Variants in LAMA1 observed in about 807,000 individuals in gnomAD.
LAMA1 encodes laminin subunit alpha 1.
In LAMA1, 219 loss-of-function variants were observed where a neutral mutation model predicts 348.7. The observed-to-expected ratio is 0.63, with a 90% CI of 0.56 to 0.70. The LOEUF is 0.70. LAMA1 is among the 30% of genes least tolerant of loss of function. The pLI is 0.00. For synonymous variants in LAMA1, 1,487 were observed against 1,491.0 expected, an observed-to-expected ratio of 1.00 and a Z score of 0.06; for missense variants, 3,744 against 3,888.0, an observed-to-expected ratio of 0.96 and a Z score of 0.99.
intron 1 of LAMA1, among the ~76,000 whole-genome samples, chr18:7,104,462 A>T (rs886993766): frequency 1.3e-5 from 2 of 152,218 alleles, no homozygotes; most frequent in Non-Finnish European, 2.9e-5. Flanking sequence ...TACTGGTCAG[A>T]TGTACAAAGA....
Position 7,023,249 on chromosome 18 carries a change from C to T in LAMA1, c.2616G>A (p.Lys872=). 8 of 1,614,102 alleles carry T rather than the reference C, an allele frequency of 5.0e-6. No individual in the cohort carries two copies. The highest frequency in any genetic ancestry group is 6.8e-6 in the Non-Finnish European group (8 of 1,180,036). ...HCDSVTGECL[K]CLGNTDGAHC... Reference sequence around the variant, plus strand: ...GGGCGCCATCTGTGTTCCCCAGGCACTTCAGGCACTCCCCGGTGACTGAGT... The same window carrying T: ...GGGCGCCATCTGTGTTCCCCAGGCATTTCAGGCACTCCCCGGTGACTGAGT... Residue 872 remains lysine, a synonymous_variant, in exon 19 of 63, where the codon AAG becomes AAA. Transcript: ENST00000389658.
At chr18:6,973,924 C>T (rs2057669774) in intron 46 of LAMA1, among the ~76,000 whole-genome samples, 1 of 152,166 alleles carries the variant, frequency 6.6e-6, no homozygotes, top group African/African-American at 2.4e-5. Context: ...GGACTACAGG[C>T]ACACACCACT....
In LAMA1 at chr18:7,117,784, C is replaced by G; in HGVS notation, c.-64G>C. 1 of 1,451,808 alleles carries G rather than the reference C, an allele frequency of 6.9e-7. No individual in the cohort carries two copies. The highest frequency in any genetic ancestry group is 9.4e-7 in the Non-Finnish European group (1 of 1,069,238). 89.9% of individuals were successfully genotyped at this position (1,451,808 alleles called of 1,614,324 possible). On this transcript the variant is annotated 5_prime_UTR_variant, in exon 1 of 63. Coordinates refer to ENST00000389658, the MANE Select transcript of LAMA1 (RefSeq NM_005559.4). ...CCGCGCGCCCGCCTGGAACGCTCCA[C>G]GGGACGCGAGTCCGCGCTGCCCTGG...
chr18:7,111,174 G>T (rs2058334572), intron 1 of LAMA1, among the ~76,000 whole-genome samples: 1 of 151,974 alleles, frequency 6.6e-6, no homozygotes, highest in Admixed American at 6.6e-5. Context: ...AGACTTCAAA[G>T]ATAACTTCTG....
intron 33 of LAMA1, among the ~76,000 whole-genome samples, chr18:6,997,335 G>GCTGGGATT (rs2057786464): frequency 6.6e-6 from 1 of 152,204 alleles, no homozygotes; most frequent in Non-Finnish European, 1.5e-5. Context: ...GTGCTGGGAT[G>GCTGGGATT]CTGGGATTAC....
intron 51 of LAMA1, among the ~76,000 whole-genome samples, chr18:6,962,734 T>TA (rs2057614152): frequency 6.6e-6 from 1 of 152,192 alleles, no homozygotes; most frequent in African/African-American, 2.4e-5. Context: ...CAAGTGCAGG[T>TA]AATGCTATTT....
At chr18:7,031,688 T>TAAATAAATAAATAAA (rs1598288996) in intron 16 of LAMA1, among the ~76,000 whole-genome samples, 1 of 151,570 alleles carries the variant, frequency 6.6e-6, no homozygotes, top group Non-Finnish European at 1.5e-5. Flanking sequence ...CTCAAATAAA[T>TAAATAAATAAATAAA]AAATAAATAA....
At chr18:7,043,199 A>G in intron 8 of LAMA1, 28 bp downstream of exon 8, 1 of 1,611,918 alleles carries the variant, frequency 6.2e-7, no homozygotes, top group Non-Finnish European at 8.5e-7. Flanking sequence ...GATGATGAAG[A>G]TCAGCAATGG....
At chr18:7,084,087 A>T (rs1221518135) in intron 1 of LAMA1, among the ~76,000 whole-genome samples, 2 of 151,084 alleles carry the variant, frequency 1.3e-5, no homozygotes, top group Non-Finnish European at 3.0e-5. Context: ...AAAAAAAAAA[A>T]AAAAAAAAAA....
chr18:7,094,409 A>G (rs2143807032), intron 1 of LAMA1, among the ~76,000 whole-genome samples: 1 of 145,798 alleles, frequency 6.9e-6, no homozygotes, highest in Non-Finnish European at 1.5e-5. Context: ...CTTGGGTGAC[A>G]GAGCAAGACT....
chr18:6,980,370 A>G, intron 42 of LAMA1, 151 bp downstream of exon 42: 1 of 640,056 alleles, frequency 1.6e-6, no homozygotes, highest in Non-Finnish European at 2.8e-6. Flanking sequence ...TTTCTAAATC[A>G]TATTCCTTTG....
Position 7,007,233 on chromosome 18 carries a change from C to G in LAMA1, c.4166G>C (p.Ser1389Thr). 5 of 1,614,156 alleles carry G rather than the reference C, an allele frequency of 3.1e-6. No homozygotes were observed. The highest frequency in any genetic ancestry group is 4.2e-6 in the Non-Finnish European group (5 of 1,180,022). ...AACCAGAGGGCGTGGTCCCCTGTCA[C>G]TCCCTGCTGGGAGCTTCCCTCTGTG... ...GYHRGKLPAG[S>T]DRGPRPLVAP... Residue 1389 changes from serine (S) to threonine (T), a missense_variant, in exon 29 of 63, where the codon AGT becomes ACT. This residue lies in a region of LAMA1 where 1,983 missense variants were observed against 1,934.3 expected (regional missense o/e 1.03). Transcript: ENST00000389658.
At chr18:7,054,369 C>T (rs1453714449) in intron 3 of LAMA1, among the ~76,000 whole-genome samples, 3 of 150,184 alleles carry the variant, frequency 2.0e-5, no homozygotes, top group South Asian at 2.1e-4. Context: ...TTGTCAAGAA[C>T]GTAGTGAAAA....
chr18:7,044,897 T>C, intron 6 of LAMA1, 58 bp from the exon 7 acceptor site: 1 of 1,283,422 alleles, frequency 7.8e-7, no homozygotes, highest in Non-Finnish European at 1.1e-6. Flanking sequence ...TGTTTCTTAA[T>C]TTCATGGTAA....
chr18:6,971,194 A>G (rs533792839), intron 48 of LAMA1, among the ~76,000 whole-genome samples: 154 of 152,320 alleles, frequency 1.0e-3, no homozygotes, highest in Admixed American at 2.7e-3. Flanking sequence ...AAGGAGTTGC[A>G]GTTATTTTGT....
chr18:7,057,049 T>A (rs1189912913), intron 3 of LAMA1, among the ~76,000 whole-genome samples: 1 of 152,016 alleles, frequency 6.6e-6, no homozygotes, highest in Non-Finnish European at 1.5e-5. Context: ...TTTTTGTATT[T>A]TTAGTAGAGA....
At chr18:7,117,415 C>CGACT (rs2058362055) in intron 1 of LAMA1, among the ~76,000 whole-genome samples, 1 of 151,042 alleles carries the variant, frequency 6.6e-6, no homozygotes, top group Non-Finnish European at 1.5e-5. Context: ...TGGGCTTTAA[C>CGACT]CCCAAAGCCC....
chr18:7,066,558 T>C (rs1257569374), intron 3 of LAMA1, among the ~76,000 whole-genome samples: 1 of 152,212 alleles, frequency 6.6e-6, no homozygotes, highest in Non-Finnish European at 1.5e-5. Context: ...TTAATAATCA[T>C]AAAATTTACA....
chr18:7,008,379 A>T, intron 28 of LAMA1, 109 bp downstream of exon 28: 3 of 1,261,592 alleles, frequency 2.4e-6, no homozygotes, highest in Non-Finnish European at 3.3e-6. Context: ...AAAAAGAGAA[A>T]AAAATGATAT....
Sources: allele counts gnomAD v4.1 joint callset (sites outside exome capture counted in the v4.1 genomes callset), GRCh38; gene constraint gnomAD v4.1.1; regional missense constraint gnomAD v4.1.1; transcripts MANE v1.5; gene names NCBI Gene and HGNC (gene_info 2026-07-23, HGNC 2026-07-21).